Variants in PANK3 observed in about 807,000 individuals in gnomAD.
PANK3 encodes hPanK3.
In PANK3, 20 loss-of-function variants were observed where a neutral mutation model predicts 39.4. The observed-to-expected ratio is 0.51, with a 90% CI of 0.36 to 0.74. The LOEUF is 0.74. Ranked by LOEUF, PANK3 falls within the 30% of genes least tolerant of loss-of-function variation. PANK3 has a pLI of 0.00. For synonymous variants in PANK3, 140 were observed against 157.3 expected, an observed-to-expected ratio of 0.89 and a Z score of 0.82; for missense variants, 265 against 437.0, an observed-to-expected ratio of 0.61 and a Z score of 3.51.
At chr5:168,575,224 T>C (rs1759713646) in intron 1 of PANK3, among the ~76,000 whole-genome samples, 1 of 152,200 alleles carries the variant, frequency 6.6e-6, no homozygotes, top group Admixed American at 6.5e-5. Flanking sequence ...AGTGGTCTTA[T>C]GAGAGTTGAC....
rs1443764126 is a variant in PANK3, at chr5:168,550,527, A to G, written c.*7044T>C. ...TTTAAAAGTACAAACATTTTAATAT[A>G]CATATAAAACCTTTCATATTACTTT... On this transcript the variant is annotated 3_prime_UTR_variant, in exon 7 of 7. Transcript: ENST00000239231. 1.3e-5 allele frequency: 2 copies of G among 152,254 alleles called. No homozygotes were observed. The highest frequency in any genetic ancestry group is 4.8e-5 in the African/African-American group (2 of 41,478). 9.4% of individuals were successfully genotyped at this position (152,254 alleles called of 1,614,324 possible).
chr5:168,559,407 G>A (rs1229362032), intron 5 of PANK3, among the ~76,000 whole-genome samples: 1 of 152,038 alleles, frequency 6.6e-6, no homozygotes, highest in Non-Finnish European at 1.5e-5. Flanking sequence ...ATGGACTTTG[G>A]GTGATGATGA....
chr5:168,565,055 T>C (rs1381513427), intron 3 of PANK3, among the ~76,000 whole-genome samples: 1 of 152,206 alleles, frequency 6.6e-6, no homozygotes, highest in African/African-American at 2.4e-5. Context: ...CTGAACTTCT[T>C]TTAGAGTTAA....
chr5:168,570,315 G>A (rs1028443809), intron 1 of PANK3, among the ~76,000 whole-genome samples: 4 of 151,448 alleles, frequency 2.6e-5, no homozygotes. Flanking sequence ...AACCCGGGAG[G>A]TGGAGCTTGC....
chr5:168,558,451 A>G (rs1212132563), intron 6 of PANK3, among the ~76,000 whole-genome samples: 4 of 152,142 alleles, frequency 2.6e-5, no homozygotes, highest in African/African-American at 9.7e-5. Flanking sequence ...GGCATGAGCC[A>G]CCGCACCCGG....
Position 168,551,264 on chromosome 5 carries a change from C to A in PANK3, c.*6307G>T, listed in dbSNP as rs1375533745. 1 of 152,142 alleles carries A rather than the reference C, an allele frequency of 6.6e-6. No homozygotes were observed. Among genetic ancestry groups the A allele is most frequent in the Non-Finnish European group, 1.5e-5 (1 of 67,998 alleles). The allele number at this position is 152,142 out of a possible 1,614,324, so 9.4% of individuals were successfully genotyped here. A position where few individuals can be genotyped will look rare whatever the true frequency, so the allele number is the denominator to read the frequency against. ...TGAATTCCTTAGGTATTAGAATAAA[C>A]ATAAACTTGATCATGGATACCTCAT... On this transcript the variant is annotated 3_prime_UTR_variant, in exon 7 of 7. Transcript: ENST00000239231.
At chr5:168,579,080 G>C (rs966725592) in intron 1 of PANK3, among the ~76,000 whole-genome samples, 176 bp downstream of exon 1, 17 of 152,270 alleles carry the variant, frequency 1.1e-4, no homozygotes, top group African/African-American at 3.6e-4. Flanking sequence ...GCATGAATAG[G>C]GGGATGGGGA....
chr5:168,575,778 C>T (rs1044809165), intron 1 of PANK3, among the ~76,000 whole-genome samples: 3 of 150,710 alleles, frequency 2.0e-5, no homozygotes, highest in Admixed American at 6.6e-5. Flanking sequence ...AGTGTGAGAT[C>T]GCGTCTCAAA....
intron 1 of PANK3, among the ~76,000 whole-genome samples, chr5:168,573,630 T>C (rs748603141): frequency 2.0e-5 from 3 of 151,092 alleles, no homozygotes; most frequent in Non-Finnish European, 4.4e-5. Context: ...ACTCGTCATC[T>C]AGCATTAGGT....
intron 1 of PANK3, among the ~76,000 whole-genome samples, chr5:168,573,446 A>AAAAAAAAAAAAAAAC (rs1759680097): frequency 7.4e-6 from 1 of 134,272 alleles, no homozygotes; most frequent in African/African-American, 2.7e-5. Context: ...AAAAAAAAAA[A>AAAAAAAAAAAAAAAC]GGCACAAAGA....
chr5:168,579,248 C>G lies in PANK3; in HGVS notation c.28+8G>C. ...TCCCAACCTGGCGGGCCCCAGCCCC[C>G]GTCTTACAGGGTTTCTTGGCATCTT... On this transcript the variant is annotated splice_region_variant and intron_variant, in intron 1 of 6. Coordinates refer to ENST00000239231, the MANE Select transcript of PANK3 (RefSeq NM_024594.4). 2.0e-6 allele frequency: 3 copies of G among 1,490,104 alleles called. No homozygotes were observed. The highest frequency in any genetic ancestry group is 2.7e-6 in the Non-Finnish European group (3 of 1,117,172). The allele number at this position is 1,490,104 out of a possible 1,614,324, so 92.3% of individuals were successfully genotyped here.
intron 6 of PANK3, among the ~76,000 whole-genome samples, chr5:168,558,676 C>T (rs1759392635): frequency 6.6e-6 from 1 of 152,116 alleles, no homozygotes. Flanking sequence ...TAATTCTCTT[C>T]CCCACAACTG....
chr5:168,568,265 T>C (rs1055968934), intron 2 of PANK3, among the ~76,000 whole-genome samples: 1 of 152,200 alleles, frequency 6.6e-6, no homozygotes, highest in Admixed American at 6.5e-5. Flanking sequence ...GAGATGGCCC[T>C]GGAAGATTAA....
chr5:168,573,553 G>A (rs1759682505), intron 1 of PANK3, among the ~76,000 whole-genome samples: 1 of 150,848 alleles, frequency 6.6e-6, no homozygotes, highest in Non-Finnish European at 1.5e-5. Context: ...TAAGTTTTAG[G>A]GTACATGTGC....
intron 1 of PANK3, among the ~76,000 whole-genome samples, chr5:168,572,680 G>C (rs1759660095): frequency 6.6e-6 from 1 of 152,112 alleles, no homozygotes; most frequent in African/African-American, 2.4e-5. Flanking sequence ...GTTGCTTCAG[G>C]CCATCTGGAT....
intron 6 of PANK3, 79 bp from the exon 7 acceptor site, chr5:168,557,700 C>G (rs1255388622): frequency 9.2e-7 from 1 of 1,091,014 alleles, no homozygotes; most frequent in Non-Finnish European, 1.4e-6. Context: ...GAACACACAA[C>G]TATGCACAAT....
intron 2 of PANK3, 110 bp from the exon 3 acceptor site, chr5:168,566,376 A>G: frequency 8.4e-7 from 1 of 1,195,242 alleles, no homozygotes; most frequent in Non-Finnish European, 1.1e-6. Context: ...TGACCCCCAC[A>G]TTTTCATTTT....
Position 168,553,553 on chromosome 5 carries a change from G to T in PANK3, c.*4018C>A. On this transcript the variant is annotated 3_prime_UTR_variant, in exon 7 of 7. Coordinates refer to ENST00000239231, the MANE Select transcript of PANK3 (RefSeq NM_024594.4). ...GGGGGACATGAGCAAAACCTCAGAGGGAGAGTCTTCTGACCTCTCTTTCAA... is the reference window on the plus strand; with the variant it reads ...GGGGGACATGAGCAAAACCTCAGAGTGAGAGTCTTCTGACCTCTCTTTCAA... The T allele has an allele frequency of 3.1e-6, 1 of 324,284 alleles. No individual in the cohort carries two copies. The highest frequency in any genetic ancestry group is 6.0e-6 in the Non-Finnish European group (1 of 165,452). 20.1% of individuals were successfully genotyped at this position (324,284 alleles called of 1,614,324 possible). A position where few individuals can be genotyped will look rare whatever the true frequency, so the allele number is the denominator to read the frequency against.
At chr5:168,561,937 C>T (rs1759455182) in intron 4 of PANK3, among the ~76,000 whole-genome samples, 1 of 152,160 alleles carries the variant, frequency 6.6e-6, no homozygotes, top group African/African-American at 2.4e-5. Context: ...GTGAATTAGT[C>T]TAGTGCAGCA....
Sources: gnomAD v4.1 joint callset for allele counts (sites outside exome capture counted in the v4.1 genomes callset) on GRCh38, gnomAD v4.1.1 for gene constraint, MANE v1.5 for transcripts, NCBI Gene and HGNC (gene_info 2026-07-23, HGNC 2026-07-21) for gene names.